Variants in ZNF347 observed in about 807,000 individuals in gnomAD.
ZNF347 encodes zinc finger protein 347.
A neutral mutation model predicts 12.9 loss-of-function variants in ZNF347; 19 were observed. The ratio of observed to expected loss-of-function variants is 1.47; its 90% CI spans 1.03 to 2.16. The LOEUF (loss-of-function observed/expected upper bound fraction) is 2.16, where lower values mean the gene tolerates loss of function less well. Ranked by LOEUF, ZNF347 falls within the 30% of genes most tolerant of loss-of-function variation. The pLI, the probability that ZNF347 is intolerant of heterozygous loss-of-function variation, is 0.00. For synonymous variants in ZNF347, 328 were observed against 340.6 expected (o/e 0.96, Z 0.41); for missense variants, 1,005 against 990.6 (o/e 1.01, Z -0.19).
chr19:53,158,428 C>A (rs373378709), intron 1 of ZNF347, among the ~76,000 whole-genome samples: 1 of 152,094 alleles, frequency 6.6e-6, no homozygotes, highest in Non-Finnish European at 1.5e-5. Context: ...ACCTCGCGGG[C>A]GAGGACTTTA....
Position 53,140,655 on chromosome 19 carries a change from T to C in ZNF347, c.2173A>G (p.Thr725Ala), listed in dbSNP as rs1465496954. Reference sequence around the variant, plus strand: ...CCAGTATGGATTGCCTGATGGGTAGTTAGGCTTGAACGGACACTAAAGGCT... The same window carrying C: ...CCAGTATGGATTGCCTGATGGGTAGCTAGGCTTGAACGGACACTAAAGGCT... ...GKAFSVRSSL[T>A]THQAIHTGKK... The change falls in exon 5 of 5, where the codon ACT becomes GCT. Residue 725 changes from threonine (T) to alanine (A), a missense_variant. By Grantham distance (58) the Thr-to-Ala change is moderately conservative. Transcript: ENST00000334197. 1.2e-6 allele frequency: 2 copies of C among 1,613,310 alleles called. No homozygotes were observed. The highest frequency in any genetic ancestry group is 1.3e-5 in the African/African-American group (1 of 74,632).
rs1035430924 is a variant in ZNF347 at position 53,145,498 on chromosome 19, T to C, written c.272-2942A>G. 7.3e-5 allele frequency among the ~76,000 whole-genome samples: 11 copies of C among 151,216 alleles called. No individual in the cohort carries two copies. In the South Asian group the frequency reaches 2.3e-3, roughly 32 times the overall value. ...ACCTCCACTTCCTGGGCTCAAGTGA[T>C]CCACCCACCTCAGCCCCCCAAGTAG... On this transcript the variant is annotated intron_variant, in intron 4 of 4. Coordinates refer to ENST00000334197, the MANE Select transcript of ZNF347 (RefSeq NM_032584.3).
chr19:53,140,264 C>A lies in ZNF347; in HGVS notation c.*44G>T. On this transcript the variant is annotated 3_prime_UTR_variant, in exon 5 of 5. Coordinates refer to ENST00000334197, the MANE Select transcript of ZNF347 (RefSeq NM_032584.3). The stretch of plus-strand genomic sequence containing the variant: ...TCTGACGTTGTCAAAGGAATGAATT[C>A]TAACTGCAAAAGTTACCACCTTCAT... 1 of 1,496,266 alleles carries A rather than the reference C, an allele frequency of 6.7e-7. No homozygotes were observed. Among genetic ancestry groups the A allele is most frequent in the Non-Finnish European group, 9.0e-7 (1 of 1,116,236 alleles). 92.7% of individuals were successfully genotyped at this position (1,496,266 alleles called of 1,614,324 possible).
chr19:53,157,513 C>T (rs558488854), intron 1 of ZNF347, among the ~76,000 whole-genome samples: 10 of 152,210 alleles, frequency 6.6e-5, no homozygotes, highest in African/African-American at 1.9e-4. Flanking sequence ...CCGCTTGCAC[C>T]TGTTCTGTCC....
intron 1 of ZNF347, among the ~76,000 whole-genome samples, chr19:53,154,254 G>T (rs1237902250): frequency 6.6e-6 from 1 of 151,982 alleles, no homozygotes; most frequent in African/African-American, 2.4e-5. Context: ...GGCTGAGGCA[G>T]AAAGATCAGT....
rs780682738 is a variant in ZNF347 at position 53,140,714 on chromosome 19, C to A, written c.2114G>T (p.Gly705Val). The A allele has an allele frequency of 1.1e-5, 17 of 1,613,400 alleles. No homozygotes were observed. The highest frequency in any genetic ancestry group is 1.4e-5 in the Non-Finnish European group (17 of 1,179,684). ...KLARHQRVHTGEKPYECNQCG... is the reference protein window; with the variant it reads ...KLARHQRVHTVEKPYECNQCG... ...CTGATTACACTCATATGGTTTCTCT[C>A]CAGTATGAACTCTCTGATGCCTTGC... The change falls in exon 5 of 5, where the codon GGA becomes GTA. Residue 705 changes from glycine (G) to valine (V), a missense_variant. By Grantham distance (109) the Gly-to-Val change is moderately radical. Transcript: ENST00000334197.
chr19:53,156,648 G>A (rs2090537771), intron 1 of ZNF347, among the ~76,000 whole-genome samples: 1 of 152,162 alleles, frequency 6.6e-6, no homozygotes, highest in Non-Finnish European at 1.5e-5. Flanking sequence ...TAAACTAAGT[G>A]AAGTGTTTTC....
chr19:53,143,316 T>G (rs1280163319), intron 4 of ZNF347, among the ~76,000 whole-genome samples: 2 of 151,750 alleles, frequency 1.3e-5, no homozygotes, highest in Non-Finnish European at 2.9e-5. Context: ...CATGTTGGTG[T>G]GCTGCACCCA....
intron 2 of ZNF347, among the ~76,000 whole-genome samples, chr19:53,150,586 A>G (rs1218523958): frequency 6.6e-6 from 1 of 152,156 alleles, no homozygotes; most frequent in African/African-American, 2.4e-5. Context: ...CAGTATTTAG[A>G]TGATCTAGAG....
At chr19:53,157,532 G>C (rs1254119959) in intron 1 of ZNF347, among the ~76,000 whole-genome samples, 1 of 151,778 alleles carries the variant, frequency 6.6e-6, no homozygotes, top group African/African-American at 2.4e-5. Flanking sequence ...CCCATTCTGG[G>C]GCCTTGTTTC....
chr19:53,155,600 G>A (rs1004632764), intron 1 of ZNF347, among the ~76,000 whole-genome samples: 3 of 152,100 alleles, frequency 2.0e-5, no homozygotes, highest in African/African-American at 7.2e-5. Flanking sequence ...CTCTGAAAGT[G>A]TTGTGATTAC....
chr19:53,153,288 T>A (rs570595732), intron 2 of ZNF347, among the ~76,000 whole-genome samples: 1 of 152,324 alleles, frequency 6.6e-6, no homozygotes, highest in South Asian at 2.1e-4. Context: ...TCAAATGTAA[T>A]GTAAATGAGC....
rs1179271306 is a variant in ZNF347 at position 53,134,966 on chromosome 19, GT to G, written c.*5341del. The G allele has an allele frequency of 6.6e-6, 1 of 151,986 alleles. No individual in the cohort carries two copies. Among genetic ancestry groups the G allele is most frequent in the East Asian group, 1.9e-4 (1 of 5,188 alleles). The allele number at this position is 151,986 out of a possible 1,614,324, so 9.4% of individuals were successfully genotyped here. ...TATAAAAATATAGATTTAATACAAA[GT>G]TACCACAATCACAATGATATATGAA... is the stretch of plus-strand genomic sequence containing the variant. On this transcript the variant is annotated 3_prime_UTR_variant, in exon 5 of 5. Transcript: ENST00000334197.
At position 53,153,612 on chromosome 19, in the gene ZNF347, G is replaced by C. The variant is rs927304860; in HGVS notation, c.15+121C>G. On this transcript the variant is annotated intron_variant, in intron 2 of 4. Coordinates refer to ENST00000334197, the MANE Select transcript of ZNF347 (RefSeq NM_032584.3). ...TGAGAGGGACTGAGGGAAGGCACGC[G>C]TAAGTGCGAGCAAACCTGTCAGGCA... The C allele has an allele frequency of 1.2e-5, 18 of 1,455,456 alleles. No individual in the cohort carries two copies. The African/African-American group carries it at 1.4e-4, about 11-fold the overall frequency. The allele number at this position is 1,455,456 out of a possible 1,614,324, so 90.2% of individuals were successfully genotyped here.
At position 53,136,852 on chromosome 19, in the gene ZNF347, T is replaced by C. The variant is rs1313309027; in HGVS notation, c.*3456A>G. 3 of 152,206 alleles carry C rather than the reference T, an allele frequency of 2.0e-5. No individual in the cohort carries two copies. Among genetic ancestry groups the C allele is most frequent in the African/African-American group, 7.2e-5 (3 of 41,452 alleles). 9.4% of individuals were successfully genotyped at this position (152,206 alleles called of 1,614,324 possible). A position where few individuals can be genotyped will look rare whatever the true frequency, so the allele number is the denominator to read the frequency against. ...AAAGGAAGAGTATTATCTACTATTATGAAGAAAGCGGAGGTCTTCCCTAAC... is the reference window on the plus strand; with the variant it reads ...AAAGGAAGAGTATTATCTACTATTACGAAGAAAGCGGAGGTCTTCCCTAAC... On this transcript the variant is annotated 3_prime_UTR_variant, in exon 5 of 5. Coordinates refer to ENST00000334197, the MANE Select transcript of ZNF347 (RefSeq NM_032584.3).
intron 2 of ZNF347, among the ~76,000 whole-genome samples, chr19:53,151,180 A>G (rs2090494750): frequency 6.6e-6 from 1 of 152,220 alleles, no homozygotes; most frequent in Admixed American, 6.5e-5. Flanking sequence ...CAAGACAAAG[A>G]GCTAAAATGT....
Position 53,142,057 on chromosome 19 carries a change from C to T in ZNF347, c.771G>A (p.Trp257Ter). 1.9e-6 allele frequency: 3 copies of T among 1,613,546 alleles called. No homozygotes were observed. The highest frequency in any genetic ancestry group is 2.5e-6 in the Non-Finnish European group (3 of 1,179,882). ...LLTQGQKANNWGSPYKSNGCG... is the reference protein window; with the variant it reads ...LLTQGQKANN ...ATCCATTAGATTTGTAAGGGCTTCC[C>T]CAATTATTTGCTTTTTGCCCCTGTG... Residue 257 changes from tryptophan (W) to a stop codon, truncating the protein, a stop_gained, in exon 5 of 5, where the codon TGG (tryptophan) becomes TGA (stop). Transcript: ENST00000334197. LOFTEE classifies it low-confidence loss of function (END_TRUNC).
chr19:53,156,273 C>T (rs1329355486), intron 1 of ZNF347, among the ~76,000 whole-genome samples: 1 of 121,860 alleles, frequency 8.2e-6, no homozygotes, highest in African/African-American at 2.5e-5. Context: ...GTGGTGCACA[C>T]CTGTAATCCC....
rs1291420340 is a variant in ZNF347 at position 53,138,124 on chromosome 19, TG to T, written c.*2183del. ...ACCCAGCCAATATTTTTCATACAATTGTTTTTTTTGAGACAGGGTCTCGCTC... is the reference window on the plus strand; with the variant it reads ...ACCCAGCCAATATTTTTCATACAATTTTTTTTTTGAGACAGGGTCTCGCTC... On this transcript the variant is annotated 3_prime_UTR_variant, in exon 5 of 5. Transcript: ENST00000334197. 6.6e-6 allele frequency: 1 copy of T among 151,792 alleles called. No homozygotes were observed. The highest frequency in any genetic ancestry group is 2.4e-5 in the African/African-American group (1 of 41,236). 9.4% of individuals were successfully genotyped at this position (151,792 alleles called of 1,614,324 possible). A position where few individuals can be genotyped will look rare whatever the true frequency, so the allele number is the denominator to read the frequency against.
Sources: allele counts gnomAD v4.1 joint callset (sites outside exome capture counted in the v4.1 genomes callset), GRCh38; gene constraint gnomAD v4.1.1; transcripts MANE v1.5; gene names NCBI Gene and HGNC (gene_info 2026-07-23, HGNC 2026-07-21).